The following THOP1 variants were observed in gnomAD, a reference collection of about 807,000 sequenced individuals.
THOP1 encodes thimet oligopeptidase 1.
A neutral mutation model predicts 71.8 loss-of-function variants in THOP1; 49 were observed. That is an observed-to-expected ratio of 0.68 (90% CI 0.54 to 0.87). The LOEUF is 0.87. Ranked by LOEUF, THOP1 falls within the 40% of genes least tolerant of loss-of-function variation. THOP1 has a pLI of 0.00. For missense variants in THOP1, 843 were observed against 975.6 expected, an observed-to-expected ratio of 0.86 and a Z score of 1.81; for synonymous variants, 426 against 421.5, an observed-to-expected ratio of 1.01 and a Z score of -0.13.
intron 7 of THOP1, 70 bp downstream of exon 7, chr19:2,807,122 C>G (rs568724005): frequency 4.0e-6 from 6 of 1,500,368 alleles, no homozygotes. Context: ...AGGGGACAGT[C>G]GGTGCTACCC....
intron 4 of THOP1, among the ~76,000 whole-genome samples, chr19:2,798,182 A>C (rs1916063569): frequency 6.6e-6 from 1 of 151,830 alleles, no homozygotes; most frequent in Non-Finnish European, 1.5e-5. Flanking sequence ...GCACCCGCCA[A>C]CACAGCTGGC....
At chr19:2,807,403 C>T (rs771168236) in intron 7 of THOP1, 39 bp from the exon 8 acceptor site, 1 of 1,534,746 alleles carries the variant, frequency 6.5e-7, no homozygotes, top group Admixed American at 1.9e-5. Flanking sequence ...ATGGAGGAGC[C>T]CGCGAGGCGA....
Position 2,805,637 on chromosome 19 carries a change from G to A in THOP1, c.750+461G>A, listed in dbSNP as rs977716947. Among the ~76,000 whole-genome samples the A allele has an allele frequency of 3.9e-5, 6 of 152,122 alleles. No homozygotes were observed. The highest frequency in any genetic ancestry group is 9.7e-5 in the African/African-American group (4 of 41,404). ...CACAGGGACACATGTAACTGTCCAC[G>A]GCGCCATGGTGTGGTCGGTCAGGTG... On this transcript the variant is annotated intron_variant, in intron 6 of 12. Transcript: ENST00000307741. The surrounding 1 kb of genome is among the most constrained non-coding windows in gnomAD (Gnocchi z 6.6).
At chr19:2,800,101 G>A (rs1438371560) in intron 5 of THOP1, among the ~76,000 whole-genome samples, 1 of 152,214 alleles carries the variant, frequency 6.6e-6, no homozygotes, top group Non-Finnish European at 1.5e-5. Context: ...GGCCAAGGGT[G>A]CCAGTCTCAG....
intron 2 of THOP1, 107 bp from the exon 3 acceptor site, chr19:2,794,657 T>G: frequency 7.2e-7 from 1 of 1,390,272 alleles, no homozygotes; most frequent in East Asian, 2.4e-5. Context: ...AGGAGAGAGT[T>G]CACGGGGGGA....
At chr19:2,806,648 G>T (rs989973983) in intron 6 of THOP1, 9 of 502,724 alleles carry the variant, frequency 1.8e-5, no homozygotes, top group Non-Finnish European at 3.1e-5. Flanking sequence ...GCCCTCGGAG[G>T]CTCCTCGGAC....
chr19:2,812,984 C>T, intron 12 of THOP1, 131 bp from the exon 13 acceptor site: 1 of 1,128,650 alleles, frequency 8.9e-7, no homozygotes, highest in East Asian at 2.6e-5. Flanking sequence ...TGCAGGCGGC[C>T]CCCGGGCCTC....
At position 2,785,506 on chromosome 19, in the gene THOP1, A is replaced by G; in HGVS notation, c.-157A>G. 2.7e-6 allele frequency: 2 copies of G among 728,778 alleles called. No homozygotes were observed. Among genetic ancestry groups the G allele is most frequent in the East Asian group, 3.6e-5 (1 of 28,156 alleles). The allele number at this position is 728,778 out of a possible 1,614,324, so 45.1% of individuals were successfully genotyped here. On this transcript the variant is annotated 5_prime_UTR_variant, in exon 1 of 13. The change abolishes an upstream ATG in the 5' untranslated region. Coordinates refer to ENST00000307741, the MANE Select transcript of THOP1 (RefSeq NM_003249.5). ...CTCCCTGTGCGCGCGCCGCCCCAGC[A>G]TGCCCCGGGAGCGCGGGCGGCGGGC... is the stretch of plus-strand genomic sequence containing the variant.
chr19:2,812,832 G>T (rs2144787652), intron 12 of THOP1, among the ~76,000 whole-genome samples: 1 of 152,354 alleles, frequency 6.6e-6, no homozygotes, highest in East Asian at 1.9e-4. Flanking sequence ...CTGTTCATGG[G>T]CTCAGCCTGG....
intron 5 of THOP1, among the ~76,000 whole-genome samples, chr19:2,800,815 GCACCATTCCCGCAGCCACCCA>G (rs998960502): frequency 7.2e-5 from 11 of 151,922 alleles, no homozygotes; most frequent in African/African-American, 2.7e-4. Flanking sequence ...CTGATCACCC[GCACCATTCCCGCAGCCACCCA>G]CGCCATCCCG....
At position 2,813,264 on chromosome 19, in the gene THOP1, G is replaced by T. The variant is rs61736897; in HGVS notation, c.2058G>T (p.Pro686=). 3.7e-6 allele frequency: 6 copies of T among 1,609,796 alleles called. No homozygotes were observed. The highest frequency in any genetic ancestry group is 1.3e-5 in the African/African-American group (1 of 74,892). ...GLQVGGCEPE[P]QVC ...AGGTCGGGGGCTGCGAGCCCGAGCC[G>T]CAGGTCTGCTGAGGCCTGGCACTGC... The change falls in exon 13 of 13, where the codon CCG becomes CCT. Residue 686 remains proline (P), a synonymous_variant. Transcript: ENST00000307741.
Position 2,807,540 on chromosome 19 carries a change from G to A in THOP1, c.985G>A (p.Asp329Asn), listed in dbSNP as rs139314455. The A allele has an allele frequency of 1.7e-5, 28 of 1,612,312 alleles. No homozygotes were observed. The highest frequency in any genetic ancestry group is 6.7e-5 in the African/African-American group (5 of 74,940). Residue 329 changes from aspartate to asparagine, a missense_variant, in exon 8 of 13, where the codon GAC (aspartate) becomes AAC (asparagine). Physicochemically the swap from Asp to Asn is conservative, Grantham distance 23. Transcript: ENST00000307741. ...AECERRGLPF[D>N]GRIRAWDMRY... is the part of the protein sequence containing the mutation. ...GTGCGAGCGCCGGGGCCTGCCCTTCGACGGCCGCATCCGTGCCTGGGACAT... is the reference window on the plus strand; with the variant it reads ...GTGCGAGCGCCGGGGCCTGCCCTTCAACGGCCGCATCCGTGCCTGGGACAT...
intron 5 of THOP1, among the ~76,000 whole-genome samples, chr19:2,803,118 C>A (rs1214102925): frequency 6.6e-6 from 1 of 152,214 alleles, no homozygotes; most frequent in Admixed American, 6.5e-5. Flanking sequence ...GCTCTCCCTG[C>A]CCCAGCCCTC....
chr19:2,807,563 C>A lies in THOP1; in HGVS notation c.1008C>A (p.Asp336Glu). The A allele has an allele frequency of 6.2e-7, 1 of 1,612,608 alleles. No individual in the cohort carries two copies. Among genetic ancestry groups the A allele is most frequent in the Non-Finnish European group, 8.5e-7 (1 of 1,179,850 alleles). Reference protein sequence around the residue: ...LPFDGRIRAWDMRYYMNQVEE... With the variant: ...LPFDGRIRAWEMRYYMNQVEE... ...TCGACGGCCGCATCCGTGCCTGGGA[C>A]ATGCGCTACTACATGAACCAGGTGG... is the stretch of plus-strand genomic sequence containing the variant. Residue 336 changes from aspartate to glutamate, a missense_variant, in exon 8 of 13, where the codon GAC becomes GAA. Transcript: ENST00000307741.
chr19:2,796,044 G>A, intron 3 of THOP1, 37 bp from the exon 4 acceptor site: 3 of 1,555,052 alleles, frequency 1.9e-6, no homozygotes, highest in Non-Finnish European at 1.8e-6. Context: ...CGGCTGCACT[G>A]GCCCACGTCC....
chr19:2,810,588 G>C, intron 10 of THOP1, 52 bp from the exon 11 acceptor site: 1 of 1,534,172 alleles, frequency 6.5e-7, no homozygotes, highest in Non-Finnish European at 8.8e-7. Context: ...GCTCTGGGCA[G>C]AGTGGGCCGG....
Position 2,804,083 on chromosome 19 carries a change from G to A in THOP1, c.590-933G>A, listed in dbSNP as rs1916227921. On this transcript the variant is annotated intron_variant, in intron 5 of 12. Coordinates refer to ENST00000307741, the MANE Select transcript of THOP1 (RefSeq NM_003249.5). This position sits in a 1 kb window ranked among gnomAD's most constrained non-coding sequence, Gnocchi z 4.7. ...ACCCTGACTCCCCTGGGGTCGGAGT[G>A]AGCTCCCGATCATTCTTTCCACTCT... is the stretch of plus-strand genomic sequence containing the variant. Among the ~76,000 whole-genome samples, 1 of 152,162 alleles carries A rather than the reference G, an allele frequency of 6.6e-6. No homozygotes were observed. Among genetic ancestry groups the A allele is most frequent in the African/African-American group, 2.4e-5 (1 of 41,438 alleles).
chr19:2,785,722 C>T, intron 1 of THOP1, 44 bp downstream of exon 1: 3 of 1,365,316 alleles, frequency 2.2e-6, no homozygotes, highest in Non-Finnish European at 2.9e-6. Flanking sequence ...CCCCTGCACC[C>T]TCGCTCCTCC....
intron 2 of THOP1, among the ~76,000 whole-genome samples, chr19:2,791,873 G>A (rs779403726): frequency 3.3e-5 from 5 of 152,178 alleles, no homozygotes; most frequent in African/African-American, 7.2e-5. Flanking sequence ...CAGCATCCTC[G>A]GTGTGGTCTT....
Sources: gnomAD v4.1 joint callset for allele counts (sites outside exome capture counted in the v4.1 genomes callset) on GRCh38, gnomAD v4.1.1 for gene constraint, Gnocchi (gnomAD v3.1) non-coding constraint, MANE v1.5 for transcripts, NCBI Gene and HGNC (gene_info 2026-07-23, HGNC 2026-07-21) for gene names.